Variants in KIAA1614 observed in about 807,000 individuals in gnomAD.
The protein encoded by KIAA1614 is uncharacterized protein KIAA1614.
KIAA1614 carries 76 observed loss-of-function variants against 88.7 expected under a neutral mutation model. That is an observed-to-expected ratio of 0.86 (90% CI 0.71 to 1.04). The LOEUF (loss-of-function observed/expected upper bound fraction) is 1.04, where lower values mean the gene tolerates loss of function less well. KIAA1614 is among the 50% of genes least tolerant of loss of function. KIAA1614 has a pLI of 0.00. For missense variants in KIAA1614, 1,553 were observed against 1,582.5 expected (o/e 0.98, Z 0.32); for synonymous variants, 714 against 675.5 (o/e 1.06, Z -0.88).
chr1:180,943,550 C>CTTTTTTTTTTTTTTTTTTTTTT lies in KIAA1614; in HGVS notation c.3160-823_3160-822insTTTTTTTTTTTTTTTTTTTTTT, dbSNP rs60128001. 1.7e-4 allele frequency among the ~76,000 whole-genome samples: 17 copies of CTTTTTTTTTTTTTTTTTTTTTT among 98,218 alleles called. 4 individuals are homozygous for CTTTTTTTTTTTTTTTTTTTTTT. Among genetic ancestry groups the CTTTTTTTTTTTTTTTTTTTTTT allele is most frequent in the African/African-American group, 5.9e-4 (14 of 23,846 alleles). The allele number at this position is 98,218 out of a possible 152,430, so 64.4% of individuals were successfully genotyped here. A position where few individuals can be genotyped will look rare whatever the true frequency, so the allele number is the denominator to read the frequency against. On this transcript the variant is annotated intron_variant, in intron 7 of 8. Coordinates refer to ENST00000367588, the MANE Select transcript of KIAA1614 (RefSeq NM_020950.2). ...ATTGTAGGATTGAATGGTAGTAGAT[C>CTTTTTTTTTTTTTTTTTTTTTT]TTTTTTTTTTTTTTTTGAGACAGGG...
intron 3 of KIAA1614, among the ~76,000 whole-genome samples, chr1:180,919,141 GAC>G (rs1653889963): frequency 6.6e-6 from 1 of 152,134 alleles, no homozygotes; most frequent in South Asian, 2.1e-4. Flanking sequence ...ATCTTGGGGA[GAC>G]ACAAACACTG....
chr1:180,936,180 A>T lies in KIAA1614; in HGVS notation c.2271A>T (p.Ser757=). 1 of 1,614,170 alleles carries T rather than the reference A, an allele frequency of 6.2e-7. No homozygotes were observed. Among genetic ancestry groups the T allele is most frequent in the Non-Finnish European group, 8.5e-7 (1 of 1,180,020 alleles). Residue 757 remains serine (S), a synonymous_variant, in exon 5 of 9, where the codon TCA becomes TCT. Coordinates refer to ENST00000367588, the MANE Select transcript of KIAA1614 (RefSeq NM_020950.2). ...YATTAPMTPE[S]SGPGGQAQVT... ...CCACCGCCCCCATGACGCCTGAATCATCGGGGCCAGGAGGCCAGGCCCAGG... is the reference window on the plus strand; with the variant it reads ...CCACCGCCCCCATGACGCCTGAATCTTCGGGGCCAGGAGGCCAGGCCCAGG...
intron 3 of KIAA1614, among the ~76,000 whole-genome samples, chr1:180,923,656 G>A (rs1654001881): frequency 6.6e-6 from 1 of 152,186 alleles, no homozygotes; most frequent in East Asian, 1.9e-4. Context: ...GTGCCTGCAA[G>A]TGTGTGCAGG....
chr1:180,914,525 T>C (rs1431343544), intron 1 of KIAA1614, among the ~76,000 whole-genome samples: 1 of 152,152 alleles, frequency 6.6e-6, no homozygotes, highest in Non-Finnish European at 1.5e-5. Flanking sequence ...TGTAGAAGTA[T>C]ATAATAAAGC....
At chr1:180,930,143 G>A (rs564557374) in intron 4 of KIAA1614, among the ~76,000 whole-genome samples, 1 of 152,124 alleles carries the variant, frequency 6.6e-6, no homozygotes, top group Non-Finnish European at 1.5e-5. Context: ...TGGTGGGCTG[G>A]GCACCGTGGC....
intron 3 of KIAA1614, among the ~76,000 whole-genome samples, chr1:180,921,040 A>C (rs779970707): frequency 6.6e-6 from 1 of 152,234 alleles, no homozygotes; most frequent in Non-Finnish European, 1.5e-5. Flanking sequence ...CGTCCGTGTG[A>C]AAAGACCACC....
chr1:180,932,079 A>T (rs546056467), intron 4 of KIAA1614, among the ~76,000 whole-genome samples: 1 of 152,218 alleles, frequency 6.6e-6, no homozygotes, highest in South Asian at 2.1e-4. Flanking sequence ...CCCACAGCTG[A>T]CCTAGATACA....
At chr1:180,913,650 G>A (rs1288339605) in intron 1 of KIAA1614, among the ~76,000 whole-genome samples, 1 of 152,120 alleles carries the variant, frequency 6.6e-6, no homozygotes, top group East Asian at 1.9e-4. Flanking sequence ...TTGGAGCCAG[G>A]GTCTCGCTCT....
Position 180,913,276 on chromosome 1 carries a change from C to G in KIAA1614, c.33C>G (p.Pro11=). The G allele has an allele frequency of 7.9e-7, 1 of 1,259,194 alleles. No homozygotes were observed. Among genetic ancestry groups the G allele is most frequent in the Non-Finnish European group, 1.0e-6 (1 of 996,350 alleles). 78.0% of individuals were successfully genotyped at this position (1,259,194 alleles called of 1,614,324 possible). MEGTEAAAAK[P]AGGSPQGPKT... The stretch of plus-strand genomic sequence containing the variant: ...GGACAGAGGCGGCGGCGGCCAAACC[C>G]GCGGGCGGCAGCCCCCAGTGAGTAT... The change falls in exon 1 of 9, where the codon CCC becomes CCG. Residue 11 remains proline, a synonymous_variant. Transcript: ENST00000367588.
At chr1:180,918,958 T>C (rs549558079) in intron 3 of KIAA1614, among the ~76,000 whole-genome samples, 1 of 152,178 alleles carries the variant, frequency 6.6e-6, no homozygotes, top group Non-Finnish European at 1.5e-5. Context: ...GGTTGATTCA[T>C]AGATGGTGCC....
At position 180,913,892 on chromosome 1, in the gene KIAA1614, A is replaced by T. The variant is rs556423322; in HGVS notation, c.50+599A>T. The T allele has an allele frequency of 2.0e-5, 3 of 152,332 alleles. No homozygotes were observed. The South Asian group carries it at 6.2e-4, about 32-fold the overall frequency. 9.4% of individuals were successfully genotyped at this position (152,332 alleles called of 1,614,324 possible). ...GCATTCTAGATTAACTCATAGAACA[A>T]ATTATTTCTGTCCTCCTAAAGATAA... is the stretch of plus-strand genomic sequence containing the variant. On this transcript the variant is annotated intron_variant, in intron 1 of 8. Coordinates refer to ENST00000367588, the MANE Select transcript of KIAA1614 (RefSeq NM_020950.2).
rs1222991082 is a variant in KIAA1614 at position 180,936,434 on chromosome 1, T to A, written c.2525T>A (p.Ile842Asn). Residue 842 changes from isoleucine (I) to asparagine (N), a missense_variant, in exon 5 of 9, where the codon ATC becomes AAC. Coordinates refer to ENST00000367588, the MANE Select transcript of KIAA1614 (RefSeq NM_020950.2). ...GGTGACCAGACAGAGCCTGTGGGTA[T>A]CCCTCGGCCTCCTTCAAGAAGCGCG... ...RLGDQTEPVG[I>N]PRPPSRSAVL... is the part of the protein sequence containing the mutation. 3.1e-6 allele frequency: 5 copies of A among 1,614,114 alleles called. No individual in the cohort carries two copies. Among genetic ancestry groups the A allele is most frequent in the Non-Finnish European group, 4.2e-6 (5 of 1,179,986 alleles).
intron 1 of KIAA1614, among the ~76,000 whole-genome samples, chr1:180,913,652 T>C (rs1466483555): frequency 6.6e-6 from 1 of 152,156 alleles, no homozygotes; most frequent in East Asian, 1.9e-4. Context: ...GGAGCCAGGG[T>C]CTCGCTCTGT....
In KIAA1614 at chr1:180,935,778, C is replaced by G. The variant is rs1191376587; in HGVS notation, c.1869C>G (p.Thr623=). The G allele has an allele frequency of 1.9e-6, 3 of 1,613,732 alleles. No homozygotes were observed. The highest frequency in any genetic ancestry group is 2.5e-6 in the Non-Finnish European group (3 of 1,179,952). Residue 623 remains threonine, a synonymous_variant, in exon 5 of 9, where the codon ACC becomes ACG. Transcript: ENST00000367588. The surrounding 1 kb of genome is among the most constrained non-coding windows in gnomAD (Gnocchi z 6.1). ...DSTDNSDNCR[T]DSEEAGTSQA... is the part of the protein sequence containing the mutation. ...CAGACAACTCTGACAACTGCAGGAC[C>G]GACAGTGAGGAGGCGGGGACCTCTC...
intron 5 of KIAA1614, among the ~76,000 whole-genome samples, chr1:180,938,270 C>G (rs546117271): frequency 2.0e-5 from 3 of 152,292 alleles, no homozygotes; most frequent in Middle Eastern, 3.4e-3. Flanking sequence ...TACTGTGGAC[C>G]AGGTGCTGTG....
intron 2 of KIAA1614, 26 bp from the exon 3 acceptor site, chr1:180,917,825 A>C: frequency 6.2e-7 from 1 of 1,608,980 alleles, no homozygotes; most frequent in Non-Finnish European, 8.5e-7. Context: ...CTCTGTCCTG[A>C]TCTCTGCTTC....
intron 3 of KIAA1614, among the ~76,000 whole-genome samples, chr1:180,926,089 C>T (rs1334688533): frequency 6.6e-6 from 1 of 152,204 alleles, no homozygotes. Flanking sequence ...ACTTTCAAGA[C>T]AGTGGCAAAA....
At chr1:180,927,173 G>C (rs1313338583) in intron 3 of KIAA1614, among the ~76,000 whole-genome samples, 1 of 152,162 alleles carries the variant, frequency 6.6e-6, no homozygotes, top group Non-Finnish European at 1.5e-5. Flanking sequence ...GAAACTGCCT[G>C]GTCCCTTCCC....
chr1:180,913,288 C>T lies in KIAA1614; in HGVS notation c.45C>T (p.Ser15=). The change falls in exon 1 of 9, where the codon AGC becomes AGT. Residue 15 remains serine (S), a synonymous_variant. Transcript: ENST00000367588. ...CGGCGGCCAAACCCGCGGGCGGCAG[C>T]CCCCAGTGAGTATAGAGGAGGCAGC... ...EAAAAKPAGG[S]PQGPKTGSGT... The T allele has an allele frequency of 1.6e-6, 2 of 1,258,270 alleles. No individual in the cohort carries two copies. The highest frequency in any genetic ancestry group is 3.2e-5 in the East Asian group (1 of 31,706). 77.9% of individuals were successfully genotyped at this position (1,258,270 alleles called of 1,614,324 possible). A position where few individuals can be genotyped will look rare whatever the true frequency, so the allele number is the denominator to read the frequency against.
Sources: allele counts gnomAD v4.1 joint callset (sites outside exome capture counted in the v4.1 genomes callset), GRCh38; gene constraint gnomAD v4.1.1; non-coding constraint Gnocchi (gnomAD v3.1); transcripts MANE v1.5; gene names NCBI Gene and HGNC (gene_info 2026-07-23, HGNC 2026-07-21).